The following HNRNPLL variants were observed in gnomAD, a reference collection of about 807,000 sequenced individuals.
HNRNPLL encodes the protein heterogeneous nuclear ribonucleoprotein L-like.
A neutral mutation model predicts 67.1 loss-of-function variants in HNRNPLL; 25 were observed. The observed-to-expected ratio is 0.37, with a 90% CI of 0.27 to 0.52. The LOEUF (loss-of-function observed/expected upper bound fraction) is 0.52, where lower values mean the gene tolerates loss of function less well. Ranked by LOEUF, HNRNPLL falls within the 20% of genes least tolerant of loss-of-function variation. The pLI is 0.90. For synonymous variants in HNRNPLL, 267 were observed against 241.7 expected, an observed-to-expected ratio of 1.10 and a Z score of -0.97; for missense variants, 542 against 673.9, an observed-to-expected ratio of 0.80 and a Z score of 2.17.
intron 8 of HNRNPLL, 122 bp downstream of exon 8, chr2:38,573,088 T>G: frequency 3.0e-6 from 2 of 670,070 alleles, no homozygotes; most frequent in Non-Finnish European, 5.1e-6. Flanking sequence ...TTTTAGCTTA[T>G]GTGGGTCATT....
At chr2:38,569,072 A>G in intron 10 of HNRNPLL, 61 bp downstream of exon 10, 1 of 1,216,416 alleles carries the variant, frequency 8.2e-7, no homozygotes. Context: ...AAATGAAGCT[A>G]AAACAGATTT....
At chr2:38,602,392 CG>C in intron 1 of HNRNPLL, 45 bp downstream of exon 1, 2 of 1,536,058 alleles carry the variant, frequency 1.3e-6, no homozygotes, top group East Asian at 2.4e-5. Context: ...CCCTGCTTCC[CG>C]GGGAGCAGCC....
At chr2:38,570,025 G>A (rs1007809663) in intron 8 of HNRNPLL, 100 bp from the exon 9 acceptor site, 11 of 763,688 alleles carry the variant, frequency 1.4e-5, no homozygotes, top group African/African-American at 8.9e-5. Context: ...AGTAAAATAC[G>A]GAAGATCACC....
At chr2:38,594,199 C>A (rs531943528) in intron 1 of HNRNPLL, among the ~76,000 whole-genome samples, 1 of 151,888 alleles carries the variant, frequency 6.6e-6, no homozygotes, top group South Asian at 2.1e-4. Flanking sequence ...AACCAAAAAA[C>A]AAACAAAAAA....
At chr2:38,576,324 A>G (rs1666300195) in intron 7 of HNRNPLL, among the ~76,000 whole-genome samples, 1 of 151,786 alleles carries the variant, frequency 6.6e-6, no homozygotes, top group African/African-American at 2.4e-5. Flanking sequence ...ATCAAAGTGC[A>G]AAAAACACCC....
chr2:38,600,773 T>A (rs1021658635), intron 1 of HNRNPLL, among the ~76,000 whole-genome samples: 1 of 151,840 alleles, frequency 6.6e-6, no homozygotes, highest in Non-Finnish European at 1.5e-5. Context: ...AATTGTATGC[T>A]AAGCCTAGAC....
rs1479099033 is a variant in HNRNPLL at position 38,562,375 on chromosome 2, T to G, written c.*1807A>C. The G allele has an allele frequency of 6.6e-6, 1 of 152,108 alleles. No homozygotes were observed. Among genetic ancestry groups the G allele is most frequent in the African/African-American group, 2.4e-5 (1 of 41,414 alleles). The allele number at this position is 152,108 out of a possible 1,614,324, so 9.4% of individuals were successfully genotyped here. ...ATCATTTCTACACATCTAAACTAATTAAAATCTAAATGAAATAAGTCCTGC... is the reference window on the plus strand; with the variant it reads ...ATCATTTCTACACATCTAAACTAATGAAAATCTAAATGAAATAAGTCCTGC... On this transcript the variant is annotated 3_prime_UTR_variant, in exon 13 of 13. Coordinates refer to ENST00000449105, the MANE Select transcript of HNRNPLL (RefSeq NM_138394.4).
chr2:38,600,785 C>T (rs1210870317), intron 1 of HNRNPLL, among the ~76,000 whole-genome samples: 1 of 152,030 alleles, frequency 6.6e-6, no homozygotes, highest in Non-Finnish European at 1.5e-5. Context: ...AGCCTAGACT[C>T]TTGACCACCC....
At chr2:38,597,448 A>G (rs1459027044) in intron 1 of HNRNPLL, among the ~76,000 whole-genome samples, 1 of 152,238 alleles carries the variant, frequency 6.6e-6, no homozygotes, top group Non-Finnish European at 1.5e-5. Context: ...GACACTTAAT[A>G]TAGAACAAAG....
intron 8 of HNRNPLL, 144 bp from the exon 9 acceptor site, chr2:38,570,069 T>C: frequency 1.6e-6 from 1 of 612,334 alleles, no homozygotes; most frequent in East Asian, 2.7e-5. Flanking sequence ...TGTTATGAGA[T>C]ACCCTTAACT....
intron 6 of HNRNPLL, among the ~76,000 whole-genome samples, chr2:38,578,828 G>A (rs756281033): frequency 6.6e-6 from 1 of 151,986 alleles, no homozygotes; most frequent in Non-Finnish European, 1.5e-5. Flanking sequence ...TACAGACTTA[G>A]TCGTTGGCCA....
intron 10 of HNRNPLL, 107 bp downstream of exon 10, chr2:38,569,026 A>C (rs1282922095): frequency 1.3e-6 from 1 of 796,958 alleles, no homozygotes; most frequent in African/African-American, 1.7e-5. Context: ...AAATAGTAAT[A>C]ACATCAAAAG....
chr2:38,572,729 G>C (rs138388944), intron 8 of HNRNPLL, among the ~76,000 whole-genome samples: 2 of 152,058 alleles, frequency 1.3e-5, no homozygotes, highest in Non-Finnish European at 2.9e-5. Context: ...TACTGGTTGA[G>C]CTAAATGCAC....
intron 1 of HNRNPLL, among the ~76,000 whole-genome samples, chr2:38,600,305 A>T (rs1667376513): frequency 6.6e-6 from 1 of 152,210 alleles, no homozygotes; most frequent in Non-Finnish European, 1.5e-5. Flanking sequence ...GGTAACTTAA[A>T]AGCAGCATTA....
chr2:38,591,955 G>A (rs1002736785), intron 1 of HNRNPLL, among the ~76,000 whole-genome samples: 2 of 151,920 alleles, frequency 1.3e-5, no homozygotes, highest in Non-Finnish European at 2.9e-5. Flanking sequence ...CAGCCTGGGC[G>A]ACAGAGTGAG....
intron 6 of HNRNPLL, among the ~76,000 whole-genome samples, chr2:38,579,671 T>A (rs1051074834): frequency 1.3e-5 from 2 of 151,986 alleles, no homozygotes; most frequent in Non-Finnish European, 2.9e-5. Context: ...AGGGATTCTT[T>A]ACACTAAAAT....
At position 38,583,891 on chromosome 2, in the gene HNRNPLL, T is replaced by C; in HGVS notation, c.582A>G (p.Lys194=). The C allele has an allele frequency of 6.4e-7, 1 of 1,574,682 alleles. No homozygotes were observed. The highest frequency in any genetic ancestry group is 1.4e-5 in the African/African-American group (1 of 73,936). ...VLYTVCNPVG[K]VQRIVIFKRN... ...TCTTGAATATAACAATACGTTGCAC[T>C]TTGCCAACAGGGTTGCATACAGTAT... The change falls in exon 4 of 13, where the codon AAA becomes AAG. Residue 194 remains lysine (K), a synonymous_variant. Transcript: ENST00000449105.
Position 38,570,134 on chromosome 2 carries a change from C to A in HNRNPLL, c.1093-209G>T, listed in dbSNP as rs75958086. On this transcript the variant is annotated intron_variant, in intron 8 of 12. Coordinates refer to ENST00000449105, the MANE Select transcript of HNRNPLL (RefSeq NM_138394.4). ...CACTATTGTATAGCCCACTGAAGAA[C>A]AGCACAGGCTCACCCTAACTCTGTT... Among the ~76,000 whole-genome samples the A allele has an allele frequency of 4.6e-4, 70 of 152,320 alleles. 4 individuals carry two copies. The East Asian group carries it at 0.013, about 29-fold the overall frequency.
intron 6 of HNRNPLL, chr2:38,581,541 G>A (rs1666529608): frequency 1.7e-5 from 5 of 289,546 alleles, no homozygotes; most frequent in South Asian, 9.4e-5. Flanking sequence ...TTAATGCCTC[G>A]TCCAGCTTGG....
Sources: gnomAD v4.1 joint callset for allele counts (sites outside exome capture counted in the v4.1 genomes callset) on GRCh38, gnomAD v4.1.1 for gene constraint, MANE v1.5 for transcripts, NCBI Gene and HGNC (gene_info 2026-07-23, HGNC 2026-07-21) for gene names.